ITPR2: variants seen among roughly 807,000 people sequenced by gnomAD.
The protein encoded by ITPR2 is inositol 1,4,5-trisphosphate-gated calcium channel ITPR2.
A neutral mutation model predicts 317.1 loss-of-function variants in ITPR2; 207 were observed. That is an observed-to-expected ratio of 0.65 (90% CI 0.58 to 0.73). The LOEUF is 0.73. Among genes scored for constraint, ITPR2 ranks in the 30% least tolerant of loss-of-function variants. ITPR2 has a pLI of 0.00. For synonymous variants in ITPR2, 1,156 were observed against 1,149.1 expected (o/e 1.01, Z -0.12); for missense variants, 2,613 against 3,284.0 (o/e 0.80, Z 4.99).
intron 55 of ITPR2, among the ~76,000 whole-genome samples, chr12:26,381,633 T>C (rs1372675408): frequency 2.0e-5 from 3 of 152,230 alleles, no homozygotes; most frequent in South Asian, 2.1e-4. Flanking sequence ...AAACATGAGT[T>C]AAATTGTCTT....
chr12:26,654,026 T>C lies in ITPR2; in HGVS notation c.2690A>G (p.Gln897Arg). ...TTCAAAGTATGATGACATGGGGGCCTGTACAATGTCTAAAATAGCCAGAAG... is the reference window on the plus strand; with the variant it reads ...TTCAAAGTATGATGACATGGGGGCCCGTACAATGTCTAAAATAGCCAGAAG... ...RTLLAILDIV[Q>R]APMSSYFERL... Residue 897 changes from glutamine to arginine, a missense_variant, in exon 21 of 57, where the codon CAG becomes CGG. Gln to Arg is a conservative substitution (Grantham distance 43). This residue lies in a region of ITPR2 where 817 missense variants were observed against 897.6 expected (regional missense o/e 0.91). Coordinates refer to ENST00000381340, the MANE Select transcript of ITPR2 (RefSeq NM_002223.4). 1.9e-6 allele frequency: 3 copies of C among 1,607,356 alleles called. No individual in the cohort carries two copies. Among genetic ancestry groups the C allele is most frequent in the Non-Finnish European group, 2.5e-6 (3 of 1,176,732 alleles).
chr12:26,567,950 TTATATATATA>T (rs371931358), intron 34 of ITPR2, among the ~76,000 whole-genome samples: 3 of 112,190 alleles, frequency 2.7e-5, no homozygotes, highest in South Asian at 2.6e-4. Flanking sequence ...TATATATATA[TTATATATATA>T]TATATATATT....
In ITPR2 at chr12:26,524,047, T is replaced by C. The variant is rs78375352; in HGVS notation, c.5073+26200A>G. Among the ~76,000 whole-genome samples the C allele has an allele frequency of 8.0e-3, 1,224 of 152,346 alleles. 21 individuals carry two copies. The highest frequency in any genetic ancestry group is 0.028 in the African/African-American group (1,153 of 41,568). On this transcript the variant is annotated intron_variant, in intron 37 of 56. Transcript: ENST00000381340. ...GCAAATAAAACAGGGACCATTTCCC[T>C]ACTGGTAGAAACAGTTCATTAAAAC...
intron 46 of ITPR2, among the ~76,000 whole-genome samples, chr12:26,441,587 C>CA (rs1424396023): frequency 2.6e-5 from 4 of 152,146 alleles, no homozygotes; most frequent in Non-Finnish European, 5.9e-5. Context: ...CTGAGTAGGT[C>CA]ATGTGAGCTG....
intron 1 of ITPR2, among the ~76,000 whole-genome samples, chr12:26,809,776 T>C (rs1220168855): frequency 6.6e-6 from 1 of 152,022 alleles, no homozygotes; most frequent in Non-Finnish European, 1.5e-5. Flanking sequence ...GAGACAAACC[T>C]CCATAGTTAC....
rs367696645 is a variant in ITPR2 at position 26,743,095 on chromosome 12, C to T, written c.164-17330G>A. Among the ~76,000 whole-genome samples, 64 of 152,276 alleles carry T rather than the reference C, an allele frequency of 4.2e-4. 1 individual carries two copies. The South Asian group carries it at 0.013, about 31-fold the overall frequency. On this transcript the variant is annotated intron_variant, in intron 2 of 56. Transcript: ENST00000381340. The stretch of plus-strand genomic sequence containing the variant: ...CAATGGTTGCACAAACTTGTGAATA[C>T]ACTAAAACTACTGAATTGTACACTT...
chr12:26,461,900 A>C (rs931386), intron 45 of ITPR2, among the ~76,000 whole-genome samples: 48 of 150,030 alleles, frequency 3.2e-4, no homozygotes, highest in African/African-American at 1.1e-3. Flanking sequence ...ACAGAAGGGG[A>C]CTTTTTTTTT....
intron 45 of ITPR2, among the ~76,000 whole-genome samples, chr12:26,471,303 T>C (rs9668481): frequency 0.6 from 91,148 of 152,124 alleles, 32,574 homozygotes; most frequent in Non-Finnish European, 0.79. Context: ...ATATTGGACA[T>C]ACACAAAGTA....
In ITPR2 at chr12:26,487,203, A is replaced by G; in HGVS notation, c.5419T>C (p.Phe1807Leu). Reference sequence around the variant, plus strand: ...TTCATTCGATCATAGAGAACTTTAAAGAATTTTTCTGACTTTTTTTGTTCA... The same window carrying G: ...TTCATTCGATCATAGAGAACTTTAAGGAATTTTTCTGACTTTTTTTGTTCA... ...LHEQKKSEKF[F>L]KVLYDRMKAA... Residue 1807 changes from phenylalanine (F) to leucine (L), a missense_variant, in exon 40 of 57, where the codon TTT (phenylalanine) becomes CTT (leucine). Physicochemically the swap from Phe to Leu is conservative, Grantham distance 22. Transcript: ENST00000381340. 6.2e-7 allele frequency: 1 copy of G among 1,606,810 alleles called. No homozygotes were observed. The highest frequency in any genetic ancestry group is 8.5e-7 in the Non-Finnish European group (1 of 1,178,204).
chr12:26,762,516 T>A (rs1294620794), intron 2 of ITPR2, among the ~76,000 whole-genome samples: 1 of 151,930 alleles, frequency 6.6e-6, no homozygotes, highest in East Asian at 1.9e-4. Context: ...CCCAGAAAAA[T>A]AAAAGCTAGG....
At chr12:26,436,562 T>C (rs937252243) in intron 47 of ITPR2, among the ~76,000 whole-genome samples, 4 of 152,354 alleles carry the variant, frequency 2.6e-5, no homozygotes, top group South Asian at 4.1e-4. Flanking sequence ...TCAGCCAGTT[T>C]AGGCCTAAAC....
At chr12:26,806,731 G>T (rs1317678715) in intron 1 of ITPR2, among the ~76,000 whole-genome samples, 4 of 152,100 alleles carry the variant, frequency 2.6e-5, no homozygotes, top group Non-Finnish European at 5.9e-5. Flanking sequence ...GTAGAGACAG[G>T]GTTTCGCCAC....
At position 26,686,500 on chromosome 12, in the gene ITPR2, C is replaced by T. The variant is rs1948128125; in HGVS notation, c.1129G>A (p.Ala377Thr). ...TTTTACCTTGGAACCAGGCAGTCAG[C>T]TCTCTGAAGAGTTGTGGCATCTAGT... ...FELDATTLQR[A>T]DCLVPRNSYV... The change falls in exon 11 of 57, where the codon GCT (alanine) becomes ACT (threonine). Residue 377 changes from alanine to threonine, a missense_variant. Ala to Thr is a moderately conservative substitution (Grantham distance 58, BLOSUM62 0). Around this residue, in one of 9 missense-constraint regions of ITPR2, gnomAD observed 515 missense variants for 789.4 expected, o/e 0.65. Transcript: ENST00000381340. The T allele has an allele frequency of 6.3e-7, 1 of 1,593,220 alleles. No individual in the cohort carries two copies. Among genetic ancestry groups the T allele is most frequent in the Non-Finnish European group, 8.6e-7 (1 of 1,169,580 alleles).
At chr12:26,598,838 A>C (rs1233557316) in intron 30 of ITPR2, among the ~76,000 whole-genome samples, 3 of 152,232 alleles carry the variant, frequency 2.0e-5, no homozygotes, top group East Asian at 3.8e-4. Flanking sequence ...TGGAAACTTA[A>C]AAATATAAAA....
At chr12:26,468,877 T>C (rs1342918619) in intron 45 of ITPR2, among the ~76,000 whole-genome samples, 2 of 152,206 alleles carry the variant, frequency 1.3e-5, no homozygotes, top group Non-Finnish European at 2.9e-5. Flanking sequence ...TAAAAACATA[T>C]GTAGATACCA....
chr12:26,384,841 T>C (rs1939620735), intron 55 of ITPR2, among the ~76,000 whole-genome samples: 1 of 152,178 alleles, frequency 6.6e-6, no homozygotes, highest in South Asian at 2.1e-4. Flanking sequence ...GTCTCCTTTC[T>C]TGCTTCTTTA....
intron 2 of ITPR2, among the ~76,000 whole-genome samples, chr12:26,753,384 G>A (rs1949461741): frequency 6.6e-6 from 1 of 152,196 alleles, no homozygotes; most frequent in African/African-American, 2.4e-5. Flanking sequence ...AATTAGGCAT[G>A]TACAGGATCG....
chr12:26,399,308 T>C (rs779733067), intron 53 of ITPR2, among the ~76,000 whole-genome samples: 8 of 152,228 alleles, frequency 5.3e-5, no homozygotes, highest in Admixed American at 3.3e-4. Context: ...GACTTTATTA[T>C]GCCATTCTGC....
In ITPR2 at chr12:26,461,735, T is replaced by A. The variant is rs1427295300; in HGVS notation, c.6342+13561A>T. Among the ~76,000 whole-genome samples, 10 of 150,068 alleles carry A rather than the reference T, an allele frequency of 6.7e-5. No individual in the cohort carries two copies. In the East Asian group the frequency reaches 1.9e-3, roughly 29 times the overall value. ...ACACACACATACATATAAAGTTACA[T>A]ATATGTGTATAGGGATACATTTCTA... is the stretch of plus-strand genomic sequence containing the variant. On this transcript the variant is annotated intron_variant, in intron 45 of 56. Transcript: ENST00000381340.
Sources: allele counts gnomAD v4.1 joint callset (sites outside exome capture counted in the v4.1 genomes callset), GRCh38; gene constraint gnomAD v4.1.1; regional missense constraint gnomAD v4.1.1; transcripts MANE v1.5; gene names NCBI Gene and HGNC (gene_info 2026-07-23, HGNC 2026-07-21).